Variants in ARHGEF9 observed in about 807,000 individuals in gnomAD.
ARHGEF9 encodes rho guanine nucleotide exchange factor 9.
In ARHGEF9, 2 loss-of-function variants were observed where a neutral mutation model predicts 41.3. The observed-to-expected ratio is 0.05, with a 90% CI of 0.02 to 0.15. ARHGEF9 has a LOEUF of 0.15. Among genes scored for constraint, ARHGEF9 ranks in the 10% least tolerant of loss-of-function variants. The pLI is 1.00. For missense variants in ARHGEF9, 225 were observed against 424.7 expected (o/e 0.53, Z 4.13); for synonymous variants, 160 against 154.4 (o/e 1.04, Z -0.27).
intron 3 of ARHGEF9, among the ~76,000 whole-genome samples, chrX:63,705,885 G>A (rs192325103): frequency 2.7e-3 from 296 of 111,643 alleles, no homozygotes; most frequent in Middle Eastern, 0.014. Flanking sequence ...CTTGGCGGGA[G>A]ATGCATTTTG....
At chrX:63,699,083 CCTGT>C (rs1204844698) in intron 3 of ARHGEF9, among the ~76,000 whole-genome samples, 1 of 111,395 alleles carries the variant, frequency 9.0e-6, no homozygotes, top group African/African-American at 3.3e-5. Context: ...TGCCTGTGTG[CCTGT>C]CTATCTGTCT....
intron 1 of ARHGEF9, among the ~76,000 whole-genome samples, chrX:63,770,353 T>G (rs1346339653): frequency 8.9e-6 from 1 of 112,601 alleles, no homozygotes; most frequent in Non-Finnish European, 1.9e-5. Context: ...CTGGAGCCCC[T>G]TTGTTTTGGC....
chrX:63,668,026 A>G (rs1348059996), intron 6 of ARHGEF9, among the ~76,000 whole-genome samples: 2 of 112,099 alleles, frequency 1.8e-5, no homozygotes, highest in Non-Finnish European at 3.8e-5. Flanking sequence ...GATGGTCAGA[A>G]TGACTTTTAA....
At chrX:63,650,403 T>A (rs1328185595) in intron 8 of ARHGEF9, among the ~76,000 whole-genome samples, 1 of 111,514 alleles carries the variant, frequency 9.0e-6, no homozygotes, top group Non-Finnish European at 1.9e-5. Flanking sequence ...GAGGATATTA[T>A]GTTAAGTGAA....
chrX:63,670,046 C>T (rs1418775342), intron 6 of ARHGEF9: 5 of 111,903 alleles, frequency 4.5e-5, no homozygotes, highest in African/African-American at 1.6e-4. Flanking sequence ...TACCTTCCTT[C>T]CTTGGGGTCA....
At chrX:63,646,105 G>C (rs1189265008) in intron 8 of ARHGEF9, among the ~76,000 whole-genome samples, 1 of 111,456 alleles carries the variant, frequency 9.0e-6, no homozygotes, top group South Asian at 3.8e-4. Flanking sequence ...ATTTGTTTGA[G>C]TTCATTGTAG....
intron 1 of ARHGEF9, among the ~76,000 whole-genome samples, chrX:63,763,015 C>T (rs1279111509): frequency 1.1e-4 from 12 of 111,972 alleles, no homozygotes; most frequent in Non-Finnish European, 2.3e-4. Flanking sequence ...GTATATAAAA[C>T]ATATACAAAA....
chrX:63,755,108 C>T (rs1307475181), intron 1 of ARHGEF9: 3 of 937,458 alleles, frequency 3.2e-6, no homozygotes, highest in East Asian at 4.2e-5. Context: ...GGCCCTATCC[C>T]TCTTCTCTCC....
intron 4 of ARHGEF9, among the ~76,000 whole-genome samples, chrX:63,681,789 A>C (rs1295923389): frequency 8.9e-6 from 1 of 111,739 alleles, no homozygotes; most frequent in Non-Finnish European, 1.9e-5. Flanking sequence ...CAAAACTAAG[A>C]CTTGGTTTTT....
Sources: allele counts gnomAD v4.1 joint callset (sites outside exome capture counted in the v4.1 genomes callset), GRCh38; gene constraint gnomAD v4.1.1; transcripts MANE v1.5; gene names NCBI Gene and HGNC (gene_info 2026-07-23, HGNC 2026-07-21).